The following TG variants were observed in gnomAD, a reference collection of about 807,000 sequenced individuals.
TG encodes thyroid hormones.
In TG, 270 loss-of-function variants were observed where a neutral mutation model predicts 324.7. That is an observed-to-expected ratio of 0.83 (90% CI 0.75 to 0.92). The LOEUF (loss-of-function observed/expected upper bound fraction) is 0.92. Among genes scored for constraint, TG ranks in the 40% least tolerant of loss-of-function variants. The pLI, the probability that TG is intolerant of heterozygous loss-of-function variation, is 0.00. For synonymous variants in TG, 1,401 were observed against 1,327.0 expected (o/e 1.06, Z -1.21); for missense variants, 3,591 against 3,456.4 (o/e 1.04, Z -0.98).
chr8:133,132,750 T>G (rs572548299), intron 46 of TG, among the ~76,000 whole-genome samples: 3 of 152,318 alleles, frequency 2.0e-5, no homozygotes, highest in South Asian at 4.1e-4. Flanking sequence ...CAGTTTGTTA[T>G]GGGAGTTGAG....
intron 27 of TG, 54 bp downstream of exon 27, chr8:132,948,997 A>T: frequency 6.5e-7 from 1 of 1,531,958 alleles, no homozygotes; most frequent in Non-Finnish European, 9.0e-7. Context: ...CACACGAGCA[A>T]GGCCCTCTGC....
intron 41 of TG, among the ~76,000 whole-genome samples, chr8:133,061,009 C>T (rs780277244): frequency 7.2e-5 from 11 of 152,168 alleles, no homozygotes; most frequent in Non-Finnish European, 1.6e-4. Flanking sequence ...AGTCATTAAC[C>T]TTTTCTGTTT....
chr8:132,996,773 G>C (rs1281030928), intron 35 of TG, among the ~76,000 whole-genome samples: 1 of 152,190 alleles, frequency 6.6e-6, no homozygotes, highest in African/African-American at 2.4e-5. Flanking sequence ...TGGATTATCT[G>C]AGTTGGGTTT....
intron 40 of TG, among the ~76,000 whole-genome samples, chr8:133,026,312 A>C (rs1397569739): frequency 6.6e-6 from 1 of 152,240 alleles, no homozygotes; most frequent in Non-Finnish European, 1.5e-5. Context: ...ACGAAAGCAG[A>C]AGCTCGTGCC....
At chr8:132,937,998 G>A (rs1823860987) in intron 25 of TG, among the ~76,000 whole-genome samples, 1 of 152,126 alleles carries the variant, frequency 6.6e-6, no homozygotes, top group African/African-American at 2.4e-5. Context: ...GAGTGGAGGA[G>A]GAGGGGAGGA....
chr8:133,060,824 G>GA (rs1258096070), intron 41 of TG, among the ~76,000 whole-genome samples: 1 of 152,298 alleles, frequency 6.6e-6, no homozygotes, highest in African/African-American at 2.4e-5. Context: ...TGCAGTGAGG[G>GA]AAACTGAGTC....
intron 41 of TG, among the ~76,000 whole-genome samples, chr8:133,031,459 G>A (rs918101089): frequency 9.9e-5 from 15 of 152,182 alleles, no homozygotes; most frequent in East Asian, 5.8e-4. Flanking sequence ...GGAAGGAAAC[G>A]TGCTTAGAGC....
chr8:133,041,373 G>A (rs1449710169), intron 41 of TG, among the ~76,000 whole-genome samples: 3 of 152,250 alleles, frequency 2.0e-5, no homozygotes, highest in African/African-American at 7.2e-5. Context: ...GGCAAGCCAG[G>A]AAGACCTCGT....
chr8:133,107,396 A>G (rs1588116080), intron 43 of TG, among the ~76,000 whole-genome samples: 1 of 152,224 alleles, frequency 6.6e-6, no homozygotes, highest in East Asian at 1.9e-4. Flanking sequence ...AGGAGTGGCC[A>G]GTTCATGACA....
chr8:132,953,772 A>G (rs1011644792), intron 27 of TG, among the ~76,000 whole-genome samples: 5 of 152,200 alleles, frequency 3.3e-5, no homozygotes, highest in African/African-American at 1.2e-4. Context: ...TGTTCTCCAG[A>G]GAGAAATCCA....
chr8:132,942,212 G>C (rs1158858820), intron 26 of TG, among the ~76,000 whole-genome samples: 1 of 152,226 alleles, frequency 6.6e-6, no homozygotes, highest in African/African-American at 2.4e-5. Flanking sequence ...TCTTGGACAA[G>C]TTACTTAATG....
At chr8:133,119,697 G>A (rs927836624) in intron 45 of TG, among the ~76,000 whole-genome samples, 6 of 152,130 alleles carry the variant, frequency 3.9e-5, no homozygotes, top group African/African-American at 1.4e-4. Flanking sequence ...ATGAATTCTG[G>A]AGGGACGTAA....
chr8:133,031,255 A>G (rs1238580572), intron 41 of TG, among the ~76,000 whole-genome samples: 4 of 152,166 alleles, frequency 2.6e-5, no homozygotes, highest in Non-Finnish European at 5.9e-5. Flanking sequence ...CCCTTAGCAT[A>G]ATGTCTTTAA....
chr8:132,932,855 T>C (rs1331660853), intron 23 of TG, among the ~76,000 whole-genome samples: 1 of 152,240 alleles, frequency 6.6e-6, no homozygotes, highest in African/African-American at 2.4e-5. Flanking sequence ...TTGAACAAAG[T>C]TGTGATCTCA....
chr8:133,084,546 G>A (rs1370887887), intron 41 of TG, among the ~76,000 whole-genome samples: 1 of 152,216 alleles, frequency 6.6e-6, no homozygotes, highest in Non-Finnish European at 1.5e-5. Context: ...CAAGTGCCAA[G>A]CATTTAAATG....
chr8:132,958,377 A>G (rs1202230248), intron 27 of TG, among the ~76,000 whole-genome samples: 3 of 151,524 alleles, frequency 2.0e-5, no homozygotes, highest in African/African-American at 7.3e-5. Flanking sequence ...CTATCTATCT[A>G]TCTATCTATC....
intron 15 of TG, among the ~76,000 whole-genome samples, chr8:132,901,081 A>G (rs949423040): frequency 5.9e-5 from 9 of 152,114 alleles, no homozygotes; most frequent in Non-Finnish European, 1.2e-4. Flanking sequence ...TATTTCACAG[A>G]ACTGTACCTG....
At chr8:132,908,128 CAA>C in intron 17 of TG, 56 bp from the exon 18 acceptor site, 1 of 1,601,798 alleles carries the variant, frequency 6.2e-7, no homozygotes, top group Non-Finnish European at 8.5e-7. Flanking sequence ...AAATCCCAAA[CAA>C]AGAAAATAAC....
At chr8:133,047,900 G>C (rs1277867361) in intron 41 of TG, 3 of 1,612,292 alleles carry the variant, frequency 1.9e-6, no homozygotes, top group African/African-American at 1.3e-5. Flanking sequence ...GCAGCTCCTC[G>C]GCCTTGTCTC....
Sources: gnomAD v4.1 joint callset for allele counts (sites outside exome capture counted in the v4.1 genomes callset) on GRCh38, gnomAD v4.1.1 for gene constraint, MANE v1.5 for transcripts, NCBI Gene and HGNC (gene_info 2026-07-23, HGNC 2026-07-21) for gene names.